Variants in NRG3 observed in about 807,000 individuals in gnomAD.
The protein encoded by NRG3 is neuregulin 3, also known as pro-neuregulin-3, membrane-bound isoform.
A neutral mutation model predicts 66.9 loss-of-function variants in NRG3; 31 were observed. That is an observed-to-expected ratio of 0.46 (90% confidence interval 0.35 to 0.63). The LOEUF (loss-of-function observed/expected upper bound fraction) is 0.63. NRG3 is among the 20% of genes least tolerant of loss of function. The probability of loss-of-function intolerance (pLI) is 0.00; values close to 1 mark genes in which losing one functional copy is unlikely to be tolerated. For synonymous variants in NRG3, 393 were observed against 359.4 expected (o/e 1.09, Z -1.06); for missense variants, 910 against 878.9 (o/e 1.04, Z -0.45).
At chr10:82,558,693 A>C (rs2044814766) in intron 2 of NRG3, among the ~76,000 whole-genome samples, 1 of 152,198 alleles carries the variant, frequency 6.6e-6, no homozygotes, top group Non-Finnish European at 1.5e-5. Flanking sequence ...CATTTCTCTA[A>C]AGTATAGAAT....
chr10:82,173,974 C>G (rs1446634942), intron 1 of NRG3, among the ~76,000 whole-genome samples: 1 of 152,080 alleles, frequency 6.6e-6, no homozygotes, highest in East Asian at 1.9e-4. Context: ...TAATTCATTT[C>G]AAATTATGTT....
At chr10:82,542,214 G>T (rs1006544342) in intron 2 of NRG3, among the ~76,000 whole-genome samples, 2 of 151,938 alleles carry the variant, frequency 1.3e-5, no homozygotes, top group African/African-American at 4.8e-5. Context: ...GAGGATGATG[G>T]TTTCCAGCTT....
intron 1 of NRG3, among the ~76,000 whole-genome samples, chr10:81,987,714 A>G (rs2060579519): frequency 6.6e-6 from 1 of 152,194 alleles, no homozygotes; most frequent in Admixed American, 6.5e-5. Context: ...GTGACTAGGA[A>G]ATTATCAGAA....
chr10:81,959,481 T>C (rs572433250), intron 1 of NRG3, among the ~76,000 whole-genome samples: 1 of 152,316 alleles, frequency 6.6e-6, no homozygotes, highest in African/African-American at 2.4e-5. Context: ...AAATCTATAC[T>C]ATATTTGCTG....
At chr10:82,476,208 C>A (rs1841768647) in intron 2 of NRG3, among the ~76,000 whole-genome samples, 1 of 152,098 alleles carries the variant, frequency 6.6e-6, no homozygotes, top group Non-Finnish European at 1.5e-5. Context: ...AAACAAAAAA[C>A]AAGTTTTGGT....
At chr10:82,589,553 C>T (rs2133292761) in intron 2 of NRG3, among the ~76,000 whole-genome samples, 1 of 152,200 alleles carries the variant, frequency 6.6e-6, no homozygotes, top group African/African-American at 2.4e-5. Flanking sequence ...AATTCTGCTT[C>T]ATTTCAATAT....
intron 2 of NRG3, among the ~76,000 whole-genome samples, chr10:82,550,334 G>T (rs1393977241): frequency 6.6e-6 from 1 of 152,140 alleles, no homozygotes; most frequent in Non-Finnish European, 1.5e-5. Context: ...AACATGTTCA[G>T]CAAGGGAAGT....
At chr10:82,775,603 T>C (rs1470875291) in intron 3 of NRG3, among the ~76,000 whole-genome samples, 2 of 152,152 alleles carry the variant, frequency 1.3e-5, no homozygotes, top group Non-Finnish European at 2.9e-5. Context: ...GAAACTTTTA[T>C]ACATGTCTAT....
intron 2 of NRG3, among the ~76,000 whole-genome samples, chr10:82,497,869 G>T (rs961621538): frequency 2.0e-5 from 3 of 152,048 alleles, no homozygotes; most frequent in East Asian, 1.9e-4. Context: ...GATAGACAAG[G>T]GTTCCTTTTT....
At chr10:81,930,164 A>G (rs1847199645) in intron 1 of NRG3, among the ~76,000 whole-genome samples, 2 of 152,102 alleles carry the variant, frequency 1.3e-5, no homozygotes, top group African/African-American at 4.8e-5. Context: ...GCAGCTGGGG[A>G]AGTCACATAC....
chr10:81,884,668 G>A (rs917981887), intron 1 of NRG3, among the ~76,000 whole-genome samples: 8 of 152,088 alleles, frequency 5.3e-5, no homozygotes, highest in South Asian at 2.1e-4. Flanking sequence ...CTATCCTTAG[G>A]TTATATGCAA....
intron 1 of NRG3, among the ~76,000 whole-genome samples, chr10:82,340,338 A>C (rs1379266172): frequency 6.6e-6 from 1 of 152,188 alleles, no homozygotes; most frequent in African/African-American, 2.4e-5. Flanking sequence ...CCTCTCCACG[A>C]ACTCTCCTAG....
At chr10:81,934,806 T>G (rs1011045326) in intron 1 of NRG3, among the ~76,000 whole-genome samples, 12 of 152,216 alleles carry the variant, frequency 7.9e-5, no homozygotes, top group African/African-American at 2.7e-4. Flanking sequence ...ATGCTCTATT[T>G]GATGAATTAC....
chr10:82,272,769 A>G (rs1254674953), intron 1 of NRG3, among the ~76,000 whole-genome samples: 1 of 151,968 alleles, frequency 6.6e-6, no homozygotes, highest in East Asian at 1.9e-4. Context: ...TCCCAAAGCT[A>G]TCTTGTGTCC....
intron 2 of NRG3, among the ~76,000 whole-genome samples, chr10:82,387,210 T>C (rs551400471): frequency 6.6e-6 from 1 of 152,346 alleles, no homozygotes; most frequent in South Asian, 2.1e-4. Context: ...GAAACAGAAC[T>C]GCTTTTACTT....
chr10:82,871,008 C>G (rs1841292691), intron 4 of NRG3, among the ~76,000 whole-genome samples: 1 of 152,060 alleles, frequency 6.6e-6, no homozygotes, highest in Non-Finnish European at 1.5e-5. Context: ...TCTAGTTTAT[C>G]TAAATACTCT....
intron 6 of NRG3, among the ~76,000 whole-genome samples, chr10:82,962,240 T>C (rs1369242769): frequency 6.6e-6 from 1 of 152,154 alleles, no homozygotes; most frequent in Non-Finnish European, 1.5e-5. Context: ...CCTCCTTTGC[T>C]GTGTCTCAAG....
intron 1 of NRG3, among the ~76,000 whole-genome samples, chr10:82,159,765 G>A (rs1198697568): frequency 6.6e-6 from 1 of 151,782 alleles, no homozygotes; most frequent in African/African-American, 2.4e-5. Flanking sequence ...ATCAAGGAAG[G>A]TAAATGTCCT....
rs1005058139 is a variant in NRG3, at chr10:82,495,215, G to A, written c.953+136347G>A. On this transcript the variant is annotated intron_variant, in intron 2 of 8. Transcript: ENST00000372141. ...CTCCCAAAGTGCTGGGATTACAGGC[G>A]TGAGCCACTGCGCCAGGCCGATCCC... 2.6e-5 allele frequency among the ~76,000 whole-genome samples: 4 copies of A among 152,106 alleles called. 1 individual carries two copies. The highest frequency in any genetic ancestry group is 6.5e-5 in the Admixed American group (1 of 15,268).
Sources: allele counts gnomAD v4.1 joint callset (sites outside exome capture counted in the v4.1 genomes callset), GRCh38; gene constraint gnomAD v4.1.1; transcripts MANE v1.5; gene names NCBI Gene and HGNC (gene_info 2026-07-23, HGNC 2026-07-21).